The following TMEM132D variants were observed in gnomAD, a reference collection of about 807,000 sequenced individuals.
TMEM132D encodes mature OL transmembrane protein.
A neutral mutation model predicts 62.3 loss-of-function variants in TMEM132D; 21 were observed. The ratio of observed to expected loss-of-function variants is 0.34; its 90% CI spans 0.24 to 0.49. The LOEUF (loss-of-function observed/expected upper bound fraction) is 0.49. Among genes scored for constraint, TMEM132D ranks in the 20% least tolerant of loss-of-function variants. The pLI is 0.99. For synonymous variants in TMEM132D, 621 were observed against 575.6 expected, an observed-to-expected ratio of 1.08 and a Z score of -1.13; for missense variants, 1,346 against 1,402.8, an observed-to-expected ratio of 0.96 and a Z score of 0.65.
chr12:129,346,915 A>G (rs12142297), intron 3 of TMEM132D, among the ~76,000 whole-genome samples: 1 of 152,192 alleles, frequency 6.6e-6, no homozygotes, highest in Admixed American at 6.5e-5. Context: ...CACTAATAAT[A>G]GACATGGAGA....
chr12:129,473,068 T>TTGGTCAG (rs752515182), intron 3 of TMEM132D, among the ~76,000 whole-genome samples: 63 of 152,106 alleles, frequency 4.1e-4, no homozygotes, highest in Non-Finnish European at 6.0e-4. Context: ...TTTCACCATG[T>TTGGTCAG]TGGTCAGGCT....
chr12:129,310,832 C>T (rs888236726), intron 4 of TMEM132D, among the ~76,000 whole-genome samples: 13 of 152,140 alleles, frequency 8.5e-5, no homozygotes, highest in Admixed American at 8.5e-4. Context: ...TGAGCTCCAG[C>T]CTCCGGGCTT....
At chr12:129,428,705 T>C (rs1872566033) in intron 3 of TMEM132D, among the ~76,000 whole-genome samples, 1 of 152,228 alleles carries the variant, frequency 6.6e-6, no homozygotes, top group Admixed American at 6.5e-5. Context: ...ATGTGTTTTA[T>C]GTAAATGTGT....
chr12:129,232,020 C>A (rs1216689929), intron 4 of TMEM132D, among the ~76,000 whole-genome samples: 2 of 152,158 alleles, frequency 1.3e-5, no homozygotes, highest in African/African-American at 4.8e-5. Context: ...GCAGGTAATT[C>A]TCACTCAGTG....
At chr12:129,443,213 C>T (rs1872990435) in intron 3 of TMEM132D, among the ~76,000 whole-genome samples, 1 of 152,170 alleles carries the variant, frequency 6.6e-6, no homozygotes, top group South Asian at 2.1e-4. Flanking sequence ...ACCCTGCACA[C>T]AAATCTCCAT....
chr12:129,839,507 C>T (rs1593182230), intron 1 of TMEM132D, among the ~76,000 whole-genome samples: 5 of 151,884 alleles, frequency 3.3e-5, no homozygotes, highest in African/African-American at 1.2e-4. Context: ...AGGTGATCCG[C>T]CTGCCTCAGC....
intron 5 of TMEM132D, among the ~76,000 whole-genome samples, chr12:129,193,250 T>A (rs1162967003): frequency 6.6e-6 from 1 of 152,190 alleles, no homozygotes; most frequent in Admixed American, 6.5e-5. Flanking sequence ...CATGTTTAGT[T>A]AGAGGTTTTA....
chr12:129,605,604 T>TATATATATATATATATAC (rs150550863), intron 2 of TMEM132D, among the ~76,000 whole-genome samples: 9 of 106,314 alleles, frequency 8.5e-5, no homozygotes, highest in African/African-American at 3.5e-4. Context: ...TATATATATA[T>TATATATATATATATATAC]ACACACACAT....
At position 129,074,614 on chromosome 12, in the gene TMEM132D, C is replaced by G. The variant is rs1238714990; in HGVS notation, c.2561G>C (p.Gly854Ala). The change falls in exon 9 of 9, where the codon GGC becomes GCC. Residue 854 changes from glycine to alanine, a missense_variant. By Grantham distance (60) the Gly-to-Ala change is moderately conservative (BLOSUM62 0). Transcript: ENST00000422113. Reference sequence around the variant, plus strand: ...CAGGATGGACCTGTCTGTCGTGGTGCCCCGTCCCTCCATGAGTCCCATAGA... The same window carrying G: ...CAGGATGGACCTGTCTGTCGTGGTGGCCCGTCCCTCCATGAGTCCCATAGA... ...SSSMGLMEGR[G>A]TTTDRSILQK... 1.2e-6 allele frequency: 2 copies of G among 1,614,034 alleles called. No individual in the cohort carries two copies. Among genetic ancestry groups the G allele is most frequent in the Non-Finnish European group, 1.7e-6 (2 of 1,180,014 alleles).
intron 1 of TMEM132D, among the ~76,000 whole-genome samples, chr12:129,815,438 G>T (rs936760895): frequency 4.6e-5 from 7 of 152,334 alleles, no homozygotes; most frequent in Admixed American, 6.5e-5. Flanking sequence ...AGAATTGCAC[G>T]TGTGCAGAAA....
intron 1 of TMEM132D, among the ~76,000 whole-genome samples, chr12:129,752,208 GCAATGTTTA>G (rs879374088): frequency 6.6e-6 from 1 of 151,904 alleles, no homozygotes; most frequent in Non-Finnish European, 1.5e-5. Context: ...TATTTTAAGT[GCAATGTTTA>G]CAATTTCACA....
chr12:129,830,268 G>A lies in TMEM132D; in HGVS notation c.79+72993C>T, dbSNP rs562522971. Among the ~76,000 whole-genome samples the A allele has an allele frequency of 5.3e-5, 8 of 152,156 alleles. No individual in the cohort carries two copies. The South Asian group carries it at 1.0e-3, about 20-fold the overall frequency. On this transcript the variant is annotated intron_variant, in intron 1 of 8. Transcript: ENST00000422113. ...CCACATGAGAGAGAGAAAGAGAGAC[G>A]ATAGATGACAACATACACACTCATA... is the stretch of plus-strand genomic sequence containing the variant.
intron 2 of TMEM132D, among the ~76,000 whole-genome samples, chr12:129,582,938 G>GTTT (rs1024386849): frequency 6.8e-6 from 1 of 148,026 alleles, no homozygotes; most frequent in African/African-American, 2.5e-5. Flanking sequence ...TTTGTTTTTT[G>GTTT]TTTTGTTTTG....
chr12:129,664,937 C>T (rs538493277), intron 2 of TMEM132D, among the ~76,000 whole-genome samples: 2 of 152,238 alleles, frequency 1.3e-5, no homozygotes, highest in African/African-American at 2.4e-5. Flanking sequence ...ATGCATTCAC[C>T]ACCACGAATG....
intron 2 of TMEM132D, among the ~76,000 whole-genome samples, chr12:129,558,631 A>C (rs1244750235): frequency 6.6e-6 from 1 of 152,144 alleles, no homozygotes; most frequent in Admixed American, 6.5e-5. Flanking sequence ...ACCACACGGG[A>C]AAAGGGAATC....
chr12:129,331,836 C>T (rs751354538), intron 4 of TMEM132D, among the ~76,000 whole-genome samples: 3 of 152,182 alleles, frequency 2.0e-5, no homozygotes, highest in Non-Finnish European at 2.9e-5. Context: ...GAGAGAAGGA[C>T]GTTGAAGAAC....
chr12:129,588,658 T>C (rs1878098495), intron 2 of TMEM132D, among the ~76,000 whole-genome samples: 1 of 151,324 alleles, frequency 6.6e-6, no homozygotes, highest in South Asian at 2.1e-4. Flanking sequence ...CACTGCAAGC[T>C]CCGCCTCCCA....
intron 3 of TMEM132D, among the ~76,000 whole-genome samples, chr12:129,452,156 G>A (rs1873310859): frequency 6.6e-6 from 1 of 152,128 alleles, no homozygotes; most frequent in African/African-American, 2.4e-5. Context: ...GTTCCATCTG[G>A]CCCACTTTAC....
At chr12:129,456,698 T>TA in intron 3 of TMEM132D, among the ~76,000 whole-genome samples, 1 of 152,290 alleles carries the variant, frequency 6.6e-6, no homozygotes, top group African/African-American at 2.4e-5. Context: ...GATGGAACTG[T>TA]TTGTTTCTCT....
Sources: allele counts gnomAD v4.1 joint callset (sites outside exome capture counted in the v4.1 genomes callset), GRCh38; gene constraint gnomAD v4.1.1; transcripts MANE v1.5; gene names NCBI Gene and HGNC (gene_info 2026-07-23, HGNC 2026-07-21).